CNTNAP2: variants seen among roughly 807,000 people sequenced by gnomAD.
CNTNAP2 encodes contactin-associated protein-like 2.
Under a neutral mutation model 155.2 loss-of-function variants are expected in CNTNAP2, and 98 were observed. The observed-to-expected ratio is 0.63, with a 90% CI of 0.54 to 0.75. The LOEUF (loss-of-function observed/expected upper bound fraction) is 0.75. Ranked by LOEUF, CNTNAP2 falls within the 30% of genes least tolerant of loss-of-function variation. The probability of loss-of-function intolerance (pLI) is 0.00; values close to 1 mark genes in which losing one functional copy is unlikely to be tolerated. For synonymous variants in CNTNAP2, 651 were observed against 631.2 expected (o/e 1.03, Z -0.47); for missense variants, 1,727 against 1,688.1 (o/e 1.02, Z -0.40).
chr7:148,384,935 A>ATAATC (rs1245342095), intron 22 of CNTNAP2, among the ~76,000 whole-genome samples: 1 of 152,218 alleles, frequency 6.6e-6, no homozygotes, highest in East Asian at 1.9e-4. Flanking sequence ...AATAATATTA[A>ATAATC]TAATCTAATA....
intron 21 of CNTNAP2, among the ~76,000 whole-genome samples, chr7:148,275,934 C>T (rs775806730): frequency 5.3e-5 from 8 of 152,084 alleles, no homozygotes; most frequent in Non-Finnish European, 7.4e-5. Flanking sequence ...GTTGTGACAT[C>T]TTTGGAAACA....
intron 3 of CNTNAP2, among the ~76,000 whole-genome samples, chr7:146,942,104 CT>C (rs1204159658): frequency 6.6e-6 from 1 of 151,980 alleles, no homozygotes; most frequent in African/African-American, 2.4e-5. Flanking sequence ...TAATATTTCT[CT>C]TTCCTTTATT....
At chr7:148,179,721 AAAG>A (rs1248319857) in intron 18 of CNTNAP2, among the ~76,000 whole-genome samples, 3 of 151,178 alleles carry the variant, frequency 2.0e-5, no homozygotes, top group Admixed American at 2.0e-4. Context: ...AGAGGGAGAG[AAAG>A]AAGGAGGAGG....
chr7:146,666,843 T>C (rs1423096376), intron 1 of CNTNAP2, among the ~76,000 whole-genome samples: 2 of 152,124 alleles, frequency 1.3e-5, no homozygotes, highest in African/African-American at 4.8e-5. Flanking sequence ...CAAGTTGTTT[T>C]GCTGTTTAGA....
At chr7:146,136,485 A>G in intron 1 of CNTNAP2, among the ~76,000 whole-genome samples, 1 of 152,316 alleles carries the variant, frequency 6.6e-6, no homozygotes, top group South Asian at 2.1e-4. Flanking sequence ...AAGTCAGGAC[A>G]GAAGAGGGAG....
intron 1 of CNTNAP2, among the ~76,000 whole-genome samples, chr7:146,388,837 T>C (rs1251578233): frequency 1.3e-5 from 2 of 152,156 alleles, no homozygotes; most frequent in Admixed American, 6.5e-5. Context: ...TTTTTAGATC[T>C]CACAAATAAG....
At chr7:147,840,813 T>C (rs967283703) in intron 13 of CNTNAP2, among the ~76,000 whole-genome samples, 1 of 151,858 alleles carries the variant, frequency 6.6e-6, no homozygotes, top group African/African-American at 2.4e-5. Flanking sequence ...GAATGGGATC[T>C]AGATTCTTGG....
intron 12 of CNTNAP2, among the ~76,000 whole-genome samples, chr7:147,595,962 G>C (rs967476858): frequency 1.3e-5 from 2 of 152,076 alleles, no homozygotes; most frequent in Non-Finnish European, 2.9e-5. Flanking sequence ...TTTTGTTTTT[G>C]TTTTTGATTT....
chr7:146,846,040 C>T (rs1803834319), intron 3 of CNTNAP2, among the ~76,000 whole-genome samples: 1 of 152,200 alleles, frequency 6.6e-6, no homozygotes, highest in Non-Finnish European at 1.5e-5. Flanking sequence ...CATTCTGTTA[C>T]AGTTCAATGG....
At chr7:147,259,926 G>C (rs888815996) in intron 8 of CNTNAP2, among the ~76,000 whole-genome samples, 1 of 152,158 alleles carries the variant, frequency 6.6e-6, no homozygotes, top group Non-Finnish European at 1.5e-5. Context: ...AATTCTGAGA[G>C]TGTTTAGTGC....
chr7:147,122,673 C>T (rs578170429), intron 6 of CNTNAP2: 1 of 152,290 alleles, frequency 6.6e-6, no homozygotes, highest in African/African-American at 2.4e-5. Flanking sequence ...AGGAATGACA[C>T]ATTATCTAAT....
At chr7:147,713,923 A>G (rs574724179) in intron 13 of CNTNAP2, among the ~76,000 whole-genome samples, 1 of 152,250 alleles carries the variant, frequency 6.6e-6, no homozygotes, top group East Asian at 1.9e-4. Flanking sequence ...TAGTACTAGC[A>G]AAGTACTAAC....
In CNTNAP2 at chr7:146,502,238, T is replaced by TATATATATGA. The variant is rs1554441627; in HGVS notation, c.98-272025_98-272024insGAATATATAT. Among the ~76,000 whole-genome samples the TATATATATGA allele has an allele frequency of 8.6e-4, 102 of 118,100 alleles. 1 individual carries two copies. The highest frequency in any genetic ancestry group is 3.6e-3 in the African/African-American group (98 of 27,488). 77.5% of individuals were successfully genotyped at this position (118,100 alleles called of 152,430 possible). A position where few individuals can be genotyped will look rare whatever the true frequency, so the allele number is the denominator to read the frequency against. ...GTATATATATGAATATATATATATA[T>TATATATATGA]ATATATATATATATATATATATGTC... On this transcript the variant is annotated intron_variant, in intron 1 of 23. Transcript: ENST00000361727.
intron 14 of CNTNAP2, among the ~76,000 whole-genome samples, chr7:147,958,655 T>G (rs1801065512): frequency 6.6e-6 from 1 of 152,194 alleles, no homozygotes; most frequent in African/African-American, 2.4e-5. Context: ...AAAGTATAGA[T>G]TGCATAATTT....
At chr7:146,425,858 AC>A (rs1796079227) in intron 1 of CNTNAP2, among the ~76,000 whole-genome samples, 1 of 152,104 alleles carries the variant, frequency 6.6e-6, no homozygotes. Context: ...ACAATAAAAA[AC>A]TAAATAAATT....
At chr7:146,305,184 A>G (rs1328041812) in intron 1 of CNTNAP2, among the ~76,000 whole-genome samples, 1 of 151,834 alleles carries the variant, frequency 6.6e-6, no homozygotes, top group Non-Finnish European at 1.5e-5. Context: ...ATCCTTTTTC[A>G]AGGTTTTTAG....
chr7:147,252,505 T>C (rs1804221473), intron 8 of CNTNAP2, among the ~76,000 whole-genome samples: 1 of 152,190 alleles, frequency 6.6e-6, no homozygotes. Flanking sequence ...AATTTTAACT[T>C]CCTGGATTTC....
At chr7:147,609,635 A>G (rs549450415) in intron 12 of CNTNAP2, among the ~76,000 whole-genome samples, 1 of 152,156 alleles carries the variant, frequency 6.6e-6, no homozygotes, top group South Asian at 2.1e-4. Context: ...GATGTGTGCT[A>G]TAGGAAAAAA....
intron 1 of CNTNAP2, among the ~76,000 whole-genome samples, chr7:146,229,081 TC>T (rs1799341500): frequency 6.6e-6 from 1 of 152,322 alleles, no homozygotes; most frequent in South Asian, 2.1e-4. Context: ...GCATATCTCC[TC>T]TTGGTAGGTT....
Sources: gnomAD v4.1 joint callset for allele counts (sites outside exome capture counted in the v4.1 genomes callset) on GRCh38, gnomAD v4.1.1 for gene constraint, MANE v1.5 for transcripts, NCBI Gene and HGNC (gene_info 2026-07-23, HGNC 2026-07-21) for gene names.